The following CSNK2A1 variants were observed in gnomAD, a reference collection of about 807,000 sequenced individuals.
The protein encoded by CSNK2A1 is casein kinase II subunit alpha.
Under a neutral mutation model 62.9 loss-of-function variants are expected in CSNK2A1, and 10 were observed. The ratio of observed to expected loss-of-function variants is 0.16; its 90% CI spans 0.10 to 0.27. The LOEUF (loss-of-function observed/expected upper bound fraction) is 0.27. Among genes scored for constraint, CSNK2A1 ranks in the 10% least tolerant of loss-of-function variants. The pLI is 1.00. For missense variants in CSNK2A1, 160 were observed against 492.0 expected, an observed-to-expected ratio of 0.33 and a Z score of 6.38; for synonymous variants, 124 against 167.8, an observed-to-expected ratio of 0.74 and a Z score of 2.02.
chr20:536,524 C>G (rs2019328219), intron 1 of CSNK2A1, among the ~76,000 whole-genome samples: 1 of 152,122 alleles, frequency 6.6e-6, no homozygotes, highest in Non-Finnish European at 1.5e-5. Context: ...TAGTTGTTAT[C>G]CGAACTGTAG....
rs574933716 is a variant in CSNK2A1 at position 537,271 on chromosome 20, C to T, written c.-227+6401G>A. Among the ~76,000 whole-genome samples the T allele has an allele frequency of 1.3e-4, 20 of 152,260 alleles. No homozygotes were observed. The East Asian group carries it at 3.7e-3, about 28-fold the overall frequency. On this transcript the variant is annotated intron_variant, in intron 1 of 13. Coordinates refer to ENST00000217244, the MANE Select transcript of CSNK2A1 (RefSeq NM_177559.3). ...TGGTATTTAACCCTAAAACTGTCAC[C>T]TCAGATAACACAATATTTTCTATGC... is the stretch of plus-strand genomic sequence containing the variant.
rs966565721 is a variant in CSNK2A1 at position 472,511 on chromosome 20, C to G, written c.*11450G>C. On this transcript the variant is annotated 3_prime_UTR_variant, in exon 14 of 14. Coordinates refer to ENST00000217244, the MANE Select transcript of CSNK2A1 (RefSeq NM_177559.3). ...CAGACACAGATATTCAGTGAGAGAG[C>G]AGGCTAGGGGACTGCCAGCACTAGG... The G allele has an allele frequency of 6.5e-6, 1 of 154,168 alleles. No individual in the cohort carries two copies. Among genetic ancestry groups the G allele is most frequent in the East Asian group, 1.9e-4 (1 of 5,222 alleles). The allele number at this position is 154,168 out of a possible 1,614,324, so 9.6% of individuals were successfully genotyped here.
chr20:518,147 A>C (rs2018865737), intron 2 of CSNK2A1, among the ~76,000 whole-genome samples: 1 of 152,202 alleles, frequency 6.6e-6, no homozygotes, highest in South Asian at 2.1e-4. Context: ...TCTTTAAATA[A>C]GACAGAGAAG....
chr20:542,663 C>T (rs1600425839), intron 1 of CSNK2A1, among the ~76,000 whole-genome samples: 2 of 152,230 alleles, frequency 1.3e-5, no homozygotes, highest in African/African-American at 4.8e-5. Flanking sequence ...GAACTCCTGA[C>T]CTCGTGATCC....
At chr20:484,761 A>G (rs1229577447) in intron 13 of CSNK2A1, among the ~76,000 whole-genome samples, 1 of 151,954 alleles carries the variant, frequency 6.6e-6, no homozygotes, top group Non-Finnish European at 1.5e-5. Context: ...TTCAAAATAC[A>G]AAAGGTTCAA....
At chr20:525,961 T>C (rs1484184880) in intron 2 of CSNK2A1, among the ~76,000 whole-genome samples, 1 of 151,820 alleles carries the variant, frequency 6.6e-6, no homozygotes, top group Non-Finnish European at 1.5e-5. Context: ...GCTGTGATTA[T>C]GCCACTGCAC....
In CSNK2A1 at chr20:488,892, C is replaced by A. The variant is rs531239124; in HGVS notation, c.724-114G>T. The A allele has an allele frequency of 7.4e-4, 679 of 918,044 alleles. 3 individuals are homozygous for A. The highest frequency in any genetic ancestry group is 6.7e-4 in the Middle Eastern group (3 of 4,482). 56.9% of individuals were successfully genotyped at this position (918,044 alleles called of 1,614,324 possible). ...GTCATCATGTCTACAGGTATGAATG[C>A]TACCTCCTAACAGTTTAGACTTCAA... On this transcript the variant is annotated intron_variant, in intron 10 of 13. Transcript: ENST00000217244.
At chr20:493,318 T>C (rs563591707) in intron 8 of CSNK2A1, among the ~76,000 whole-genome samples, 68 of 152,334 alleles carry the variant, frequency 4.5e-4, no homozygotes, top group African/African-American at 1.5e-3. Flanking sequence ...CACCTCTTGT[T>C]TGATATATTG....
chr20:486,586 G>T, intron 12 of CSNK2A1, 124 bp from the exon 13 acceptor site: 1 of 983,868 alleles, frequency 1.0e-6, no homozygotes, highest in Non-Finnish European at 1.4e-6. Context: ...ATTCCCCAAA[G>T]AACTTAAGGT....
rs1286063848 is a variant in CSNK2A1, at chr20:474,370, G to T, written c.*9591C>A. On this transcript the variant is annotated 3_prime_UTR_variant, in exon 14 of 14. Coordinates refer to ENST00000217244, the MANE Select transcript of CSNK2A1 (RefSeq NM_177559.3). The stretch of plus-strand genomic sequence containing the variant: ...TATTTTTGAAAGATCTTTGGTTGCA[G>T]GTGTCAGATGAATCAGGAATTGAGA... 6.6e-6 allele frequency: 1 copy of T among 152,134 alleles called. No individual in the cohort carries two copies. Among genetic ancestry groups the T allele is most frequent in the Non-Finnish European group, 1.5e-5 (1 of 68,024 alleles). The allele number at this position is 152,134 out of a possible 1,614,324, so 9.4% of individuals were successfully genotyped here.
At chr20:488,594 C>T in intron 11 of CSNK2A1, 84 bp downstream of exon 11, 2 of 1,369,204 alleles carry the variant, frequency 1.5e-6, no homozygotes, top group East Asian at 2.3e-5. Flanking sequence ...GCAAAGAAAA[C>T]ATAACTATTT....
At chr20:534,617 C>T (rs2019275181) in intron 1 of CSNK2A1, among the ~76,000 whole-genome samples, 2 of 152,024 alleles carry the variant, frequency 1.3e-5, no homozygotes, top group Non-Finnish European at 2.9e-5. Context: ...GTGATGTTTT[C>T]CAAAAACAGT....
chr20:503,665 T>G (rs942936710), intron 4 of CSNK2A1: 1 of 398,406 alleles, frequency 2.5e-6, no homozygotes, highest in African/African-American at 2.1e-5. Context: ...GAAGCTGGGT[T>G]TGCAGTAGTT....
Position 479,061 on chromosome 20 carries a change from A to G in CSNK2A1, c.*4900T>C, listed in dbSNP as rs2017905909. The G allele has an allele frequency of 6.6e-6, 1 of 152,358 alleles. No homozygotes were observed. Among genetic ancestry groups the G allele is most frequent in the East Asian group, 1.9e-4 (1 of 5,200 alleles). The allele number at this position is 152,358 out of a possible 1,614,324, so 9.4% of individuals were successfully genotyped here. ...ACAAGGCAATGCTGGCCTTCATTCA[A>G]TCAGAAACTTGACTTGTACCCGTTG... On this transcript the variant is annotated 3_prime_UTR_variant, in exon 14 of 14. Transcript: ENST00000217244.
chr20:505,515 A>G (rs576976806), intron 3 of CSNK2A1, among the ~76,000 whole-genome samples: 3 of 151,504 alleles, frequency 2.0e-5, no homozygotes, highest in East Asian at 3.9e-4. Flanking sequence ...GCCTGCCACC[A>G]TGCCCGGCTA....
At chr20:524,966 G>C (rs1299481925) in intron 2 of CSNK2A1, among the ~76,000 whole-genome samples, 5 of 151,206 alleles carry the variant, frequency 3.3e-5, no homozygotes, top group African/African-American at 7.3e-5. Context: ...AAATTTAAAA[G>C]TTAGCTAAGT....
intron 13 of CSNK2A1, among the ~76,000 whole-genome samples, chr20:484,692 T>TGTGTGTG (rs1568495467): frequency 7.7e-5 from 10 of 129,514 alleles, no homozygotes; most frequent in African/African-American, 3.5e-4. Flanking sequence ...CTAATCATGT[T>TGTGTGTG]TTTGTGTGTG....
intron 2 of CSNK2A1, among the ~76,000 whole-genome samples, chr20:512,344 GT>G (rs1234402081): frequency 6.6e-6 from 1 of 151,634 alleles, no homozygotes. Flanking sequence ...TTGTATATTT[GT>G]TTTGGAGAAT....
chr20:535,192 C>CA (rs902600202), intron 1 of CSNK2A1, among the ~76,000 whole-genome samples: 3 of 151,130 alleles, frequency 2.0e-5, no homozygotes, highest in African/African-American at 2.4e-5. Flanking sequence ...CTTGTCTCTA[C>CA]AAAAAAAATT....
Sources: allele counts gnomAD v4.1 joint callset (sites outside exome capture counted in the v4.1 genomes callset), GRCh38; gene constraint gnomAD v4.1.1; transcripts MANE v1.5; gene names NCBI Gene and HGNC (gene_info 2026-07-23, HGNC 2026-07-21).